RAD51B: variants seen among roughly 807,000 people sequenced by gnomAD.
RAD51B encodes RAD51 paralog B, also known as DNA repair protein RAD51 homolog 2.
Under a neutral mutation model 42.2 loss-of-function variants are expected in RAD51B, and 38 were observed. The observed-to-expected ratio is 0.90, with a 90% confidence interval of 0.70 to 1.18. The LOEUF (loss-of-function observed/expected upper bound fraction) is 1.18, where lower values mean the gene tolerates loss of function less well. RAD51B is among the 50% of genes most tolerant of loss of function. The probability of loss-of-function intolerance (pLI) is 0.00; values close to 1 mark genes in which losing one functional copy is unlikely to be tolerated. For synonymous variants in RAD51B, 154 were observed against 145.2 expected (o/e 1.06, Z -0.43); for missense variants, 373 against 400.7 (o/e 0.93, Z 0.59).
intron 8 of RAD51B, among the ~76,000 whole-genome samples, chr14:68,348,321 A>G (rs1254659501): frequency 6.6e-6 from 1 of 152,182 alleles, no homozygotes; most frequent in East Asian, 1.9e-4. Context: ...TGAAGAATCT[A>G]TGGTATATTC....
intron 10 of RAD51B, among the ~76,000 whole-genome samples, chr14:68,585,521 A>T (rs1182461766): frequency 2.0e-5 from 3 of 152,144 alleles, no homozygotes; most frequent in African/African-American, 7.2e-5. Flanking sequence ...GCCTATCTTT[A>T]ACAAAGGTGG....
At chr14:68,340,498 A>T (rs1041159255) in intron 8 of RAD51B, among the ~76,000 whole-genome samples, 3 of 152,230 alleles carry the variant, frequency 2.0e-5, no homozygotes, top group African/African-American at 7.2e-5. Context: ...CATCTGCATT[A>T]CAAGACTGCC....
chr14:68,070,727 G>A (rs2076727560), intron 7 of RAD51B, among the ~76,000 whole-genome samples: 1 of 150,532 alleles, frequency 6.6e-6, no homozygotes, highest in South Asian at 2.1e-4. Flanking sequence ...CTCCAGCTTT[G>A]TTCTTTTTGC....
chr14:67,910,777 A>G (rs954206712), intron 7 of RAD51B, among the ~76,000 whole-genome samples: 5 of 152,020 alleles, frequency 3.3e-5, no homozygotes, highest in African/African-American at 1.2e-4. Flanking sequence ...AGGGCTGAAT[A>G]AAAGATAGAA....
At chr14:68,325,287 G>T (rs1166982763) in intron 8 of RAD51B, among the ~76,000 whole-genome samples, 1 of 152,220 alleles carries the variant, frequency 6.6e-6, no homozygotes, top group Non-Finnish European at 1.5e-5. Flanking sequence ...TGCCTGGCCT[G>T]TAGTGAGAGC....
intron 7 of RAD51B, among the ~76,000 whole-genome samples, chr14:68,130,786 G>C (rs1485903839): frequency 6.6e-6 from 1 of 152,184 alleles, no homozygotes; most frequent in Non-Finnish European, 1.5e-5. Context: ...TCAGAGAAAA[G>C]TGCTTGGCAG....
At chr14:68,079,871 A>G (rs374019335) in intron 7 of RAD51B, among the ~76,000 whole-genome samples, 1 of 152,226 alleles carries the variant, frequency 6.6e-6, no homozygotes, top group Non-Finnish European at 1.5e-5. Context: ...TCTCTCTAAC[A>G]TACAAATCTC....
At chr14:68,075,359 C>A (rs35911429) in intron 7 of RAD51B, among the ~76,000 whole-genome samples, 1 of 152,142 alleles carries the variant, frequency 6.6e-6, no homozygotes, top group Non-Finnish European at 1.5e-5. Flanking sequence ...GTGGTACTGG[C>A]AGAGGGGCTT....
chr14:68,028,309 A>T (rs916060209), intron 7 of RAD51B, among the ~76,000 whole-genome samples: 1 of 152,188 alleles, frequency 6.6e-6, no homozygotes, highest in Non-Finnish European at 1.5e-5. Flanking sequence ...CACTGTTACC[A>T]TGCCTGCCTT....
chr14:67,903,965 C>G (rs1195456633), intron 7 of RAD51B, among the ~76,000 whole-genome samples: 1 of 151,320 alleles, frequency 6.6e-6, no homozygotes, highest in African/African-American at 2.5e-5. Flanking sequence ...TTCATGAGGA[C>G]TCAGTGTTGA....
chr14:68,088,017 T>G (rs1238720914), intron 7 of RAD51B, among the ~76,000 whole-genome samples: 1 of 133,468 alleles, frequency 7.5e-6, no homozygotes, highest in African/African-American at 2.8e-5. Flanking sequence ...ATATAATATA[T>G]TATTATATAT....
chr14:68,471,185 A>G (rs2086114412), intron 10 of RAD51B, among the ~76,000 whole-genome samples: 1 of 152,158 alleles, frequency 6.6e-6, no homozygotes, highest in Non-Finnish European at 1.5e-5. Flanking sequence ...CAGACAGGGC[A>G]GCTCCTGTGC....
intron 8 of RAD51B, among the ~76,000 whole-genome samples, chr14:68,350,842 A>G (rs2139870655): frequency 6.6e-6 from 1 of 152,290 alleles, no homozygotes; most frequent in Admixed American, 6.5e-5. Context: ...GAAGGTAGAA[A>G]TTACATCTGT....
chr14:68,516,526 G>A (rs1886167943), intron 10 of RAD51B, among the ~76,000 whole-genome samples: 1 of 152,120 alleles, frequency 6.6e-6, no homozygotes, highest in Non-Finnish European at 1.5e-5. Context: ...TTATTTTGTT[G>A]GAAAAGGGAG....
chr14:67,851,375 TAGGGA>T (rs33985828), intron 4 of RAD51B, among the ~76,000 whole-genome samples: 5,602 of 152,000 alleles, frequency 0.037, 306 homozygotes, highest in African/African-American at 0.12. Flanking sequence ...GTGGGAGCCC[TAGGGA>T]AGATCACAGG....
intron 8 of RAD51B, among the ~76,000 whole-genome samples, chr14:68,356,752 C>T (rs7401337): frequency 0.06 from 7,897 of 130,594 alleles, 1 homozygote; most frequent in East Asian, 0.16. Flanking sequence ...GAGGCCGAGG[C>T]GGGCGGATCA....
intron 11 of RAD51B, among the ~76,000 whole-genome samples, chr14:68,656,658 G>A (rs1390188835): frequency 6.6e-6 from 1 of 152,194 alleles, no homozygotes; most frequent in Admixed American, 6.5e-5. Flanking sequence ...GGCGACCGCA[G>A]GCCGGCAGTG....
At chr14:68,159,455 A>G (rs2078589375) in intron 7 of RAD51B, among the ~76,000 whole-genome samples, 3 of 151,998 alleles carry the variant, frequency 2.0e-5, no homozygotes. Context: ...CCCTGTCTCT[A>G]CTAAAAATAC....
chr14:68,224,697 A>T (rs1213202050), intron 7 of RAD51B, among the ~76,000 whole-genome samples: 4 of 151,940 alleles, frequency 2.6e-5, no homozygotes, highest in Non-Finnish European at 4.4e-5. Flanking sequence ...TTAAAAAGCT[A>T]TTCTTTTTTT....
Sources: allele counts gnomAD v4.1 joint callset (sites outside exome capture counted in the v4.1 genomes callset), GRCh38; gene constraint gnomAD v4.1.1; transcripts MANE v1.5; gene names NCBI Gene and HGNC (gene_info 2026-07-23, HGNC 2026-07-21).